Variants in OLFM3 observed in about 807,000 individuals in gnomAD.
The protein encoded by OLFM3 is olfactomedin 3, also known as noelin-3.
Under a neutral mutation model 48.6 loss-of-function variants are expected in OLFM3, and 20 were observed. That is an observed-to-expected ratio of 0.41 (90% CI 0.29 to 0.60). OLFM3 has a LOEUF of 0.60. Among genes scored for constraint, OLFM3 ranks in the 20% least tolerant of loss-of-function variants. The pLI, the probability that OLFM3 is intolerant of heterozygous loss-of-function variation, is 0.28. For missense variants in OLFM3, 437 were observed against 544.3 expected, an observed-to-expected ratio of 0.80 and a Z score of 1.96; for synonymous variants, 222 against 198.1, an observed-to-expected ratio of 1.12 and a Z score of -1.01.
At chr1:101,809,878 A>C (rs1015806781) in intron 4 of OLFM3, among the ~76,000 whole-genome samples, 1 of 151,916 alleles carries the variant, frequency 6.6e-6, no homozygotes, top group Non-Finnish European at 1.5e-5. Flanking sequence ...CTCCCAAGGA[A>C]CAATATAAAC....
chr1:101,934,860 G>A (rs1012898747), intron 1 of OLFM3, among the ~76,000 whole-genome samples: 4 of 151,974 alleles, frequency 2.6e-5, no homozygotes, highest in Non-Finnish European at 4.4e-5. Context: ...ACATATACCC[G>A]AATGACTTTG....
chr1:101,927,404 A>G (rs1326863922), intron 1 of OLFM3, among the ~76,000 whole-genome samples: 1 of 152,014 alleles, frequency 6.6e-6, no homozygotes, highest in Non-Finnish European at 1.5e-5. Flanking sequence ...TTGTCACATC[A>G]CTCGAAATTT....
At chr1:101,902,210 T>A (rs1658410676) in intron 1 of OLFM3, among the ~76,000 whole-genome samples, 1 of 151,982 alleles carries the variant, frequency 6.6e-6, no homozygotes, top group Non-Finnish European at 1.5e-5. Flanking sequence ...GCATGGTTGG[T>A]GAAGGACAAC....
chr1:101,886,588 T>C (rs1314798085), intron 1 of OLFM3, among the ~76,000 whole-genome samples: 1 of 152,068 alleles, frequency 6.6e-6, no homozygotes, highest in Non-Finnish European at 1.5e-5. Flanking sequence ...ACTGCAGCCA[T>C]TCCAGCTAGA....
At chr1:101,875,758 T>A (rs910789024) in intron 1 of OLFM3, among the ~76,000 whole-genome samples, 15 of 121,470 alleles carry the variant, frequency 1.2e-4, no homozygotes, top group Non-Finnish European at 2.5e-4. Context: ...ATGCATGGAA[T>A]TGAGTTGGAG....
chr1:101,815,671 T>C (rs1654302919), intron 4 of OLFM3, among the ~76,000 whole-genome samples: 1 of 152,136 alleles, frequency 6.6e-6, no homozygotes, highest in Admixed American at 6.5e-5. Flanking sequence ...AGACAGATTG[T>C]AGTGTCATTT....
intron 1 of OLFM3, among the ~76,000 whole-genome samples, chr1:101,951,498 G>GAT (rs1357014026): frequency 1.8e-4 from 28 of 152,140 alleles, no homozygotes; most frequent in African/African-American, 6.8e-4. Context: ...ATGATCAGAT[G>GAT]TTGGCAGGGG....
At chr1:101,817,814 T>A (rs748729857) in intron 4 of OLFM3, among the ~76,000 whole-genome samples, 1 of 152,106 alleles carries the variant, frequency 6.6e-6, no homozygotes, top group Non-Finnish European at 1.5e-5. Context: ...ATCTTTAAAG[T>A]CTACCTATTT....
At chr1:101,954,127 G>A (rs1018593198) in intron 1 of OLFM3, among the ~76,000 whole-genome samples, 2 of 151,970 alleles carry the variant, frequency 1.3e-5, no homozygotes, top group Non-Finnish European at 2.9e-5. Context: ...AATTTAAAAT[G>A]ACCTTTGTAT....
At chr1:101,993,556 T>G (rs978307718) in intron 1 of OLFM3, among the ~76,000 whole-genome samples, 1 of 152,140 alleles carries the variant, frequency 6.6e-6, no homozygotes, top group South Asian at 2.1e-4. Context: ...TGAAATTAAT[T>G]GACATCTCTT....
At chr1:101,923,309 A>G (rs1277100533) in intron 1 of OLFM3, among the ~76,000 whole-genome samples, 1 of 152,244 alleles carries the variant, frequency 6.6e-6, no homozygotes, top group Non-Finnish European at 1.5e-5. Flanking sequence ...ATATGGTAGA[A>G]TTTATAAATA....
At chr1:101,924,613 C>T (rs1659206728) in intron 1 of OLFM3, among the ~76,000 whole-genome samples, 1 of 152,174 alleles carries the variant, frequency 6.6e-6, no homozygotes, top group South Asian at 2.1e-4. Flanking sequence ...TTCTATGCAA[C>T]ACTGTCATTC....
intron 1 of OLFM3, among the ~76,000 whole-genome samples, chr1:101,947,881 A>C (rs1335791277): frequency 6.6e-6 from 1 of 152,178 alleles, no homozygotes; most frequent in Non-Finnish European, 1.5e-5. Context: ...TTTCTGTATT[A>C]ATTTACTTAG....
chr1:101,861,681 G>A (rs756700314), intron 1 of OLFM3, among the ~76,000 whole-genome samples: 1 of 152,184 alleles, frequency 6.6e-6, no homozygotes, highest in Non-Finnish European at 1.5e-5. Context: ...AACATTCTCT[G>A]ACTCTATGCA....
intron 1 of OLFM3, among the ~76,000 whole-genome samples, chr1:101,874,995 A>G (rs1053815767): frequency 6.6e-6 from 1 of 151,980 alleles, no homozygotes; most frequent in African/African-American, 2.4e-5. Context: ...AATGACTATG[A>G]ATCCTCTCAT....
At chr1:101,833,122 G>C (rs76937395) in intron 2 of OLFM3, among the ~76,000 whole-genome samples, 7 of 152,224 alleles carry the variant, frequency 4.6e-5, no homozygotes, top group Admixed American at 2.6e-4. Flanking sequence ...TGATGGGCAA[G>C]ATAAGGTATT....
chr1:101,888,095 A>G (rs1391960986), intron 1 of OLFM3, among the ~76,000 whole-genome samples: 2 of 152,140 alleles, frequency 1.3e-5, no homozygotes, highest in African/African-American at 2.4e-5. Flanking sequence ...TACAGATTCA[A>G]TGCCATCCCT....
intron 1 of OLFM3, among the ~76,000 whole-genome samples, chr1:101,882,063 G>T (rs1161151037): frequency 6.8e-6 from 1 of 147,384 alleles, no homozygotes; most frequent in Non-Finnish European, 1.5e-5. Flanking sequence ...TATTAGAAAA[G>T]AAAAAAAAGA....
At chr1:101,840,693 A>G (rs1655677717) in intron 1 of OLFM3, among the ~76,000 whole-genome samples, 1 of 151,878 alleles carries the variant, frequency 6.6e-6, no homozygotes, top group Non-Finnish European at 1.5e-5. Flanking sequence ...CCTACCTCGC[A>G]CTCCTGGACT....
Sources: gnomAD v4.1 joint callset for allele counts (sites outside exome capture counted in the v4.1 genomes callset) on GRCh38, gnomAD v4.1.1 for gene constraint, MANE v1.5 for transcripts, NCBI Gene and HGNC (gene_info 2026-07-23, HGNC 2026-07-21) for gene names.